The following ZBTB38 variants were observed in gnomAD, a reference collection of about 807,000 sequenced individuals.
The protein encoded by ZBTB38 is zinc finger and BTB domain containing 38.
ZBTB38 carries 20 observed loss-of-function variants against 76.8 expected under a neutral mutation model. The ratio of observed to expected loss-of-function variants is 0.26; its 90% confidence interval spans 0.18 to 0.38. ZBTB38 has a LOEUF of 0.38. Among genes scored for constraint, ZBTB38 ranks in the 10% least tolerant of loss-of-function variants. The pLI is 1.00. For synonymous variants in ZBTB38, 504 were observed against 544.2 expected (o/e 0.93, Z 1.03); for missense variants, 1,082 against 1,482.3 (o/e 0.73, Z 4.43).
intron 4 of ZBTB38, among the ~76,000 whole-genome samples, chr3:141,394,713 A>T (rs955336242): frequency 4.6e-5 from 7 of 152,176 alleles, no homozygotes; most frequent in Non-Finnish European, 1.0e-4. Context: ...TGATTGTTTG[A>T]ATCGCTTGGT....
intron 5 of ZBTB38, among the ~76,000 whole-genome samples, chr3:141,418,868 C>T (rs16851408): frequency 0.062 from 9,453 of 152,160 alleles, 972 homozygotes; most frequent in African/African-American, 0.22. Flanking sequence ...ATCAAGTAAA[C>T]GCAAGATGGT....
chr3:141,390,776 G>A (rs1034509835), intron 4 of ZBTB38, among the ~76,000 whole-genome samples: 3 of 152,192 alleles, frequency 2.0e-5, no homozygotes, highest in African/African-American at 2.4e-5. Flanking sequence ...TCCAGAGGAC[G>A]GGAGGGTGCT....
intron 1 of ZBTB38, among the ~76,000 whole-genome samples, chr3:141,346,808 G>GTGTT (rs1943375369): frequency 6.6e-6 from 1 of 151,232 alleles, no homozygotes; most frequent in South Asian, 2.1e-4. Flanking sequence ...GTGTGTGTGT[G>GTGTT]TGTGTGTGGT....
chr3:141,327,503 C>A (rs1256061091), intron 1 of ZBTB38, among the ~76,000 whole-genome samples: 1 of 152,184 alleles, frequency 6.6e-6, no homozygotes, highest in Non-Finnish European at 1.5e-5. Context: ...ACTTGACCAG[C>A]ACTTCTCAAA....
chr3:141,340,991 AGAAAG>A (rs754702315), intron 1 of ZBTB38, among the ~76,000 whole-genome samples: 38 of 98,540 alleles, frequency 3.9e-4, no homozygotes, highest in South Asian at 3.8e-3. Context: ...AGAAAGAAAG[AGAAAG>A]AAGAAAGAAA....
In ZBTB38 at chr3:141,351,719, C is replaced by G. The variant is rs932222058; in HGVS notation, c.-738-16902C>G. On this transcript the variant is annotated intron_variant, in intron 1 of 7. Transcript: ENST00000509842. ...TGGGTAACAGAGCAAGACTCTGTCT[C>G]TTAAAAAAAAAAAAAAAAAAAAAAG... is the stretch of plus-strand genomic sequence containing the variant. Among the ~76,000 whole-genome samples the G allele has an allele frequency of 6.2e-5, 6 of 97,036 alleles. No homozygotes were observed. In the East Asian group the frequency reaches 1.4e-3, roughly 23 times the overall value. The allele number at this position is 97,036 out of a possible 152,430, so 63.7% of individuals were successfully genotyped here.
chr3:141,342,392 CAAA>C (rs58284476), intron 1 of ZBTB38, among the ~76,000 whole-genome samples: 110 of 97,614 alleles, frequency 1.1e-3, no homozygotes, highest in African/African-American at 3.8e-3. Context: ...GACTCTGTCT[CAAA>C]AAAAAAAAAA....
In ZBTB38 at chr3:141,340,938, A is replaced by AAAAGAAAAGAAAAGAAAAGAAAAG. The variant is rs779460196; in HGVS notation, c.-739+16489_-739+16490insAGAAAAGAAAAGAAAAGAAAGAAA. On this transcript the variant is annotated intron_variant, in intron 1 of 7. Transcript: ENST00000509842. ...AGAAAAGGAAAGGAAAAAAGAAAAG[A>AAAAGAAAAGAAAAGAAAAGAAAAG]AAAGAAAGAAGGAAAGAAAGAAAGA... is the stretch of plus-strand genomic sequence containing the variant. Among the ~76,000 whole-genome samples, 183 of 32,464 alleles carry AAAAGAAAAGAAAAGAAAAGAAAAG rather than the reference A, an allele frequency of 5.6e-3. 2 individuals are homozygous for AAAAGAAAAGAAAAGAAAAGAAAAG. Among genetic ancestry groups the AAAAGAAAAGAAAAGAAAAGAAAAG allele is most frequent in the Non-Finnish European group, 5.9e-3 (101 of 17,122 alleles). The allele number at this position is 32,464 out of a possible 152,430, so 21.3% of individuals were successfully genotyped here.
rs1267808052 is a variant in ZBTB38 at position 141,443,304 on chromosome 3, C to G, written c.916C>G (p.Arg306Gly). ...TCCACAACCAGCTGCTGTTCTCACTCGTTCAAAATCTCCAAACAATGAAGG... is the reference window on the plus strand; with the variant it reads ...TCCACAACCAGCTGCTGTTCTCACTGGTTCAAAATCTCCAAACAATGAAGG... ...RSPQPAAVLTRSKSPNNEGDV... is the reference protein window; with the variant it reads ...RSPQPAAVLTGSKSPNNEGDV... The change falls in exon 6 of 6, where the codon CGT becomes GGT. Residue 306 changes from arginine to glycine, a missense_variant. Physicochemically the swap from Arg to Gly is moderately radical, Grantham distance 125 (BLOSUM62 -2). Coordinates refer to ENST00000321464, the MANE Select transcript of ZBTB38 (RefSeq NM_001376113.1). The surrounding 1 kb of genome is among the most constrained non-coding windows in gnomAD (Gnocchi z 5.6). 1 of 1,614,074 alleles carries G rather than the reference C, an allele frequency of 6.2e-7. No individual in the cohort carries two copies.
chr3:141,384,400 T>C (rs1559929252), intron 3 of ZBTB38, among the ~76,000 whole-genome samples: 1 of 152,270 alleles, frequency 6.6e-6, no homozygotes, highest in Non-Finnish European at 1.5e-5. Context: ...GACTTAGTTC[T>C]ATGTGGTCAG....
At chr3:141,391,007 T>C (rs1226498905) in intron 4 of ZBTB38, among the ~76,000 whole-genome samples, 1 of 151,788 alleles carries the variant, frequency 6.6e-6, no homozygotes, top group African/African-American at 2.4e-5. Flanking sequence ...ATTTTAAAAA[T>C]TAACTGGACA....
intron 4 of ZBTB38, chr3:141,389,117 GA>G (rs1948031970): frequency 6.6e-6 from 1 of 152,184 alleles, no homozygotes; most frequent in Non-Finnish European, 1.5e-5. Context: ...AACCTTTGTG[GA>G]AATATCTCTA....
chr3:141,380,259 C>T (rs539608531), intron 2 of ZBTB38, among the ~76,000 whole-genome samples: 1 of 152,200 alleles, frequency 6.6e-6, no homozygotes, highest in Non-Finnish European at 1.5e-5. Flanking sequence ...CACTGAGGGC[C>T]TGAGGAAATG....
chr3:141,396,285 A>C (rs567759815), intron 4 of ZBTB38: 1 of 152,750 alleles, frequency 6.5e-6, no homozygotes, highest in Non-Finnish European at 1.5e-5. Flanking sequence ...CCTGGAATAG[A>C]TTCCACCTCA....
chr3:141,368,392 T>C (rs1284895247), upstream of ZBTB38: 1 of 152,196 alleles, frequency 6.6e-6, no homozygotes, highest in Non-Finnish European at 1.5e-5. Flanking sequence ...AGGTTCCTTT[T>C]GTCCCCTTCC....
intron 1 of ZBTB38, among the ~76,000 whole-genome samples, chr3:141,331,385 C>T (rs1942846836): frequency 6.6e-6 from 1 of 152,202 alleles, no homozygotes; most frequent in Non-Finnish European, 1.5e-5. Flanking sequence ...AGAGACAGAG[C>T]TGGCTAGCCC....
chr3:141,380,834 A>C (rs1946097370), intron 2 of ZBTB38, among the ~76,000 whole-genome samples: 1 of 152,234 alleles, frequency 6.6e-6, no homozygotes, highest in Non-Finnish European at 1.5e-5. Context: ...GAGAGAAGAG[A>C]AAGCAAGTAA....
At chr3:141,341,932 C>CT (rs1019207474) in intron 1 of ZBTB38, among the ~76,000 whole-genome samples, 29 of 142,314 alleles carry the variant, frequency 2.0e-4, no homozygotes, top group Non-Finnish European at 3.1e-4. Context: ...AAGATGTTCA[C>CT]TTTTTTAAAA....
intron 5 of ZBTB38, among the ~76,000 whole-genome samples, chr3:141,422,871 A>G (rs1301556186): frequency 6.6e-6 from 1 of 152,236 alleles, no homozygotes; most frequent in Non-Finnish European, 1.5e-5. Flanking sequence ...TCAAAGTATT[A>G]TAAAAATAAT....
Sources: allele counts gnomAD v4.1 joint callset (sites outside exome capture counted in the v4.1 genomes callset), GRCh38; gene constraint gnomAD v4.1.1; non-coding constraint Gnocchi (gnomAD v3.1); transcripts MANE v1.5; gene names NCBI Gene and HGNC (gene_info 2026-07-23, HGNC 2026-07-21).